CACNA2D4: variants seen among roughly 807,000 people sequenced by gnomAD.
CACNA2D4 encodes the protein calcium voltage-gated channel auxiliary subunit alpha2delta 4.
In CACNA2D4, 157 loss-of-function variants were observed where a neutral mutation model predicts 163.8. The observed-to-expected ratio is 0.96, with a 90% CI of 0.84 to 1.09. The LOEUF is 1.09. Among genes scored for constraint, CACNA2D4 ranks in the 50% least tolerant of loss-of-function variants. The pLI is 0.00. For synonymous variants in CACNA2D4, 598 were observed against 586.9 expected (o/e 1.02, Z -0.27); for missense variants, 1,410 against 1,479.9 (o/e 0.95, Z 0.78).
At chr12:1,870,422 T>A (rs1865744617) in intron 18 of CACNA2D4, among the ~76,000 whole-genome samples, 1 of 151,750 alleles carries the variant, frequency 6.6e-6, no homozygotes, top group Non-Finnish European at 1.5e-5. Context: ...ACTCTGGAAA[T>A]GCAAATTCTG....
chr12:1,864,272 G>A (rs1240683234), intron 18 of CACNA2D4, among the ~76,000 whole-genome samples: 1 of 152,164 alleles, frequency 6.6e-6, no homozygotes, highest in East Asian at 1.9e-4. Flanking sequence ...AACCAACCCC[G>A]GACATTTTAA....
intron 6 of CACNA2D4, among the ~76,000 whole-genome samples, chr12:1,897,759 C>G (rs554278345): frequency 6.6e-6 from 1 of 152,010 alleles, no homozygotes; most frequent in Non-Finnish European, 1.5e-5. Flanking sequence ...GACTATCAGA[C>G]AAAATACACA....
At chr12:1,804,889 C>G (rs1297593317) in intron 29 of CACNA2D4, among the ~76,000 whole-genome samples, 2 of 152,250 alleles carry the variant, frequency 1.3e-5, no homozygotes, top group Non-Finnish European at 2.9e-5. Context: ...GTTTAAGCCA[C>G]TTCTCTTCTG....
At chr12:1,894,160 A>G (rs937278215) in intron 6 of CACNA2D4, among the ~76,000 whole-genome samples, 2 of 152,204 alleles carry the variant, frequency 1.3e-5, no homozygotes, top group African/African-American at 4.8e-5. Context: ...AAATTCCTGG[A>G]CACATACAAG....
intron 6 of CACNA2D4, among the ~76,000 whole-genome samples, chr12:1,900,285 C>G (rs1025166451): frequency 6.6e-6 from 1 of 152,164 alleles, no homozygotes; most frequent in African/African-American, 2.4e-5. Context: ...ACCACCACGA[C>G]TGGCTAATTT....
intron 18 of CACNA2D4, among the ~76,000 whole-genome samples, chr12:1,868,993 G>A (rs963071232): frequency 6.6e-6 from 1 of 152,134 alleles, no homozygotes; most frequent in Non-Finnish European, 1.5e-5. Flanking sequence ...TAATAGAAGG[G>A]ACTGGGGCAT....
chr12:1,867,755 A>AC (rs397826959), intron 18 of CACNA2D4, among the ~76,000 whole-genome samples: 4,418 of 151,574 alleles, frequency 0.029, 222 homozygotes, highest in African/African-American at 0.098. Flanking sequence ...CAGCAAAAAA[A>AC]CCAAAAAACA....
chr12:1,870,637 G>A (rs1187021167), intron 18 of CACNA2D4, among the ~76,000 whole-genome samples: 2 of 151,742 alleles, frequency 1.3e-5, no homozygotes, highest in Non-Finnish European at 2.9e-5. Context: ...TTTGTATTTT[G>A]TTCAGAGTTT....
intron 18 of CACNA2D4, among the ~76,000 whole-genome samples, chr12:1,864,212 G>C (rs1223701189): frequency 6.6e-6 from 1 of 152,210 alleles, no homozygotes; most frequent in African/African-American, 2.4e-5. Flanking sequence ...GTGAAGGCCG[G>C]AGACTCTCCC....
chr12:1,867,055 A>G (rs948125851), intron 18 of CACNA2D4, among the ~76,000 whole-genome samples: 2 of 152,052 alleles, frequency 1.3e-5, no homozygotes, highest in African/African-American at 4.8e-5. Context: ...GTTGGTTCTT[A>G]TATACAGCAG....
intron 13 of CACNA2D4, among the ~76,000 whole-genome samples, chr12:1,881,472 G>A (rs1425914865): frequency 6.6e-6 from 1 of 152,230 alleles, no homozygotes; most frequent in Admixed American, 6.5e-5. Flanking sequence ...AGCTCCCGTG[G>A]CATGACCACA....
intron 26 of CACNA2D4, among the ~76,000 whole-genome samples, chr12:1,817,878 G>T (rs1270138400): frequency 6.6e-6 from 1 of 151,998 alleles, no homozygotes; most frequent in Non-Finnish European, 1.5e-5. Context: ...CCAAAGTGCC[G>T]AGATTGCAGC....
intron 31 of CACNA2D4, chr12:1,800,792 G>A: frequency 1.7e-6 from 1 of 595,666 alleles, no homozygotes; most frequent in East Asian, 2.8e-5. Flanking sequence ...TGCTCTCTCT[G>A]TCTCCGCCAG....
chr12:1,858,533 T>C, intron 20 of CACNA2D4, 44 bp downstream of exon 20: 3 of 1,582,576 alleles, frequency 1.9e-6, no homozygotes, highest in Non-Finnish European at 2.6e-6. Context: ...TGAGAGCCCA[T>C]TATTTTCTGC....
intron 35 of CACNA2D4, among the ~76,000 whole-genome samples, chr12:1,796,665 G>T (rs986705867): frequency 2.6e-5 from 4 of 152,212 alleles, no homozygotes; most frequent in Admixed American, 2.0e-4. Context: ...TGGGGGAGAA[G>T]GGAGCCCCGA....
At chr12:1,892,988 A>G (rs186252091) in intron 6 of CACNA2D4, among the ~76,000 whole-genome samples, 1 of 152,356 alleles carries the variant, frequency 6.6e-6, no homozygotes, top group East Asian at 1.9e-4. Flanking sequence ...ACACCCAGAT[A>G]TATGTGGCAA....
At chr12:1,915,368 G>A in intron 1 of CACNA2D4, 1 of 647,580 alleles carries the variant, frequency 1.5e-6, no homozygotes. Context: ...CAAGCTTCCA[G>A]GGCCTCTGGT....
intron 26 of CACNA2D4, 140 bp downstream of exon 26, chr12:1,840,599 G>C: frequency 3.1e-6 from 2 of 651,042 alleles, no homozygotes; most frequent in Non-Finnish European, 5.4e-6. Flanking sequence ...CTTAGGAAGA[G>C]TGCACTTCCA....
rs974212148 is a variant in CACNA2D4, at chr12:1,819,002, A to T, written c.2552-7279T>A. Among the ~76,000 whole-genome samples the T allele has an allele frequency of 3.5e-4, 15 of 43,194 alleles. No homozygotes were observed. The East Asian group carries it at 0.011, about 33-fold the overall frequency. 28.3% of individuals were successfully genotyped at this position (43,194 alleles called of 152,430 possible). On this transcript the variant is annotated intron_variant, in intron 26 of 37. Transcript: ENST00000382722. The stretch of plus-strand genomic sequence containing the variant: ...ATGATCAATAAATACTAAAAAAATT[A>T]AAAAAAAAAAAAAAAGGAAAGGAGA...
Sources: gnomAD v4.1 joint callset for allele counts (sites outside exome capture counted in the v4.1 genomes callset) on GRCh38, gnomAD v4.1.1 for gene constraint, MANE v1.5 for transcripts, NCBI Gene and HGNC (gene_info 2026-07-23, HGNC 2026-07-21) for gene names.